Variants in RALGPS2 observed in about 807,000 individuals in gnomAD.
The protein encoded by RALGPS2 is Ral GEF with PH domain and SH3 binding motif 2.
RALGPS2 carries 43 observed loss-of-function variants against 86.8 expected under a neutral mutation model. The observed-to-expected ratio is 0.50, with a 90% CI of 0.39 to 0.64. The LOEUF (loss-of-function observed/expected upper bound fraction) is 0.64, where lower values mean the gene tolerates loss of function less well. Among genes scored for constraint, RALGPS2 ranks in the 30% least tolerant of loss-of-function variants. The pLI is 0.00. For synonymous variants in RALGPS2, 243 were observed against 231.3 expected (o/e 1.05, Z -0.46); for missense variants, 536 against 694.6 (o/e 0.77, Z 2.57).
chr1:178,737,437 G>A (rs1176134262), intron 1 of RALGPS2, among the ~76,000 whole-genome samples: 8 of 151,860 alleles, frequency 5.3e-5, no homozygotes, highest in Non-Finnish European at 2.9e-5. Flanking sequence ...TAGTAGAGAC[G>A]GGGTTTCACC....
intron 8 of RALGPS2, among the ~76,000 whole-genome samples, chr1:178,844,821 T>G (rs531189635): frequency 1.3e-5 from 2 of 152,302 alleles, no homozygotes; most frequent in African/African-American, 4.8e-5. Flanking sequence ...AAATATTCTT[T>G]AATGTGCTTT....
chr1:178,786,854 T>G (rs1200753543), intron 4 of RALGPS2, among the ~76,000 whole-genome samples: 1 of 152,002 alleles, frequency 6.6e-6, no homozygotes, highest in Non-Finnish European at 1.5e-5. Context: ...ATGTCCTACA[T>G]GATGTAGGTA....
intron 19 of RALGPS2, among the ~76,000 whole-genome samples, chr1:178,913,545 G>A (rs1011570151): frequency 2.0e-5 from 3 of 152,218 alleles, no homozygotes; most frequent in African/African-American, 7.2e-5. Context: ...GAGGTAAGAA[G>A]ACACTGTGGT....
intron 1 of RALGPS2, among the ~76,000 whole-genome samples, chr1:178,762,180 A>G (rs759741916): frequency 6.6e-6 from 1 of 152,202 alleles, no homozygotes; most frequent in South Asian, 2.1e-4. Context: ...TGTAAAGGAC[A>G]TGATGTCACT....
At chr1:178,866,190 G>T (rs145980210) in intron 8 of RALGPS2, among the ~76,000 whole-genome samples, 1 of 152,184 alleles carries the variant, frequency 6.6e-6, no homozygotes, top group African/African-American at 2.4e-5. Flanking sequence ...TATGAAAATG[G>T]TACACAGTGT....
intron 8 of RALGPS2, chr1:178,852,748 TC>T (rs745952913): frequency 3.7e-6 from 6 of 1,613,956 alleles, no homozygotes; most frequent in Non-Finnish European, 5.1e-6. Flanking sequence ...CATCATAGAA[TC>T]CCCTGCATTT....
chr1:178,894,838 C>T (rs991956759), intron 16 of RALGPS2, among the ~76,000 whole-genome samples: 1 of 151,420 alleles, frequency 6.6e-6, no homozygotes, highest in African/African-American at 2.4e-5. Context: ...TTTTTTTACC[C>T]CCATTATAGT....
At chr1:178,846,693 AAG>A (rs1164045718) in intron 8 of RALGPS2, among the ~76,000 whole-genome samples, 1 of 152,238 alleles carries the variant, frequency 6.6e-6, no homozygotes, top group Non-Finnish European at 1.5e-5. Context: ...CTAAAAAAAT[AAG>A]AACAGCAGCT....
intron 8 of RALGPS2, chr1:178,864,885 A>T (rs1457992333): frequency 1.9e-6 from 2 of 1,059,694 alleles, no homozygotes; most frequent in East Asian, 5.3e-5. Context: ...ATTTATTATG[A>T]GCATTGTTTC....
chr1:178,811,558 C>A (rs548819188), intron 6 of RALGPS2, among the ~76,000 whole-genome samples, 154 bp downstream of exon 6: 3 of 152,286 alleles, frequency 2.0e-5, no homozygotes, highest in African/African-American at 7.2e-5. Flanking sequence ...TGCCTACTTT[C>A]TCTGCCTTTT....
At chr1:178,839,815 GA>G (rs1656491664) in intron 8 of RALGPS2, among the ~76,000 whole-genome samples, 1 of 152,102 alleles carries the variant, frequency 6.6e-6, no homozygotes, top group Non-Finnish European at 1.5e-5. Flanking sequence ...GATGGAGGAA[GA>G]TCTGCCAAGC....
chr1:178,878,535 G>A (rs2102365450), intron 9 of RALGPS2, among the ~76,000 whole-genome samples: 1 of 152,074 alleles, frequency 6.6e-6, no homozygotes, highest in East Asian at 1.9e-4. Context: ...AACTTACAAG[G>A]GGAGGAGATA....
At chr1:178,806,374 T>TA (rs1166673810) in intron 4 of RALGPS2, among the ~76,000 whole-genome samples, 4 of 152,198 alleles carry the variant, frequency 2.6e-5, no homozygotes, top group Non-Finnish European at 5.9e-5. Flanking sequence ...AGATATCTGA[T>TA]ACCTTCTGAT....
chr1:178,755,980 T>C (rs2102054562), intron 1 of RALGPS2, among the ~76,000 whole-genome samples: 1 of 152,370 alleles, frequency 6.6e-6, no homozygotes, highest in East Asian at 1.9e-4. Flanking sequence ...CACTTGTATG[T>C]CTTCTTTTGG....
chr1:178,890,849 A>G (rs1014780182), intron 14 of RALGPS2, among the ~76,000 whole-genome samples: 4 of 151,890 alleles, frequency 2.6e-5, no homozygotes, highest in African/African-American at 4.8e-5. Flanking sequence ...TTTTCTTGCA[A>G]CCTTTACTTC....
At chr1:178,760,898 C>G (rs1652204939) in intron 1 of RALGPS2, among the ~76,000 whole-genome samples, 1 of 151,636 alleles carries the variant, frequency 6.6e-6, no homozygotes, top group Admixed American at 6.6e-5. Context: ...TGGTTTTCTT[C>G]TTCTCGGTCT....
chr1:178,784,545 C>T, intron 3 of RALGPS2, 23 bp downstream of exon 3: 1 of 1,522,444 alleles, frequency 6.6e-7, no homozygotes, highest in Non-Finnish European at 9.0e-7. Context: ...CCTCTGTCTT[C>T]TCCGGTTTTG....
At chr1:178,743,686 A>G (rs1180430235) in intron 1 of RALGPS2, among the ~76,000 whole-genome samples, 1 of 152,242 alleles carries the variant, frequency 6.6e-6, no homozygotes, top group East Asian at 1.9e-4. Context: ...GAGCCTACAG[A>G]TATAAAAGGA....
At chr1:178,751,551 T>A (rs1483675837) in intron 1 of RALGPS2, among the ~76,000 whole-genome samples, 1 of 152,188 alleles carries the variant, frequency 6.6e-6, no homozygotes, top group Admixed American at 6.5e-5. Flanking sequence ...TTTCTTAAAT[T>A]GATTACATTA....
Sources: allele counts gnomAD v4.1 joint callset (sites outside exome capture counted in the v4.1 genomes callset), GRCh38; gene constraint gnomAD v4.1.1; transcripts MANE v1.5; gene names NCBI Gene and HGNC (gene_info 2026-07-23, HGNC 2026-07-21).